The following RALYL variants were observed in gnomAD, a reference collection of about 807,000 sequenced individuals.
RALYL encodes the protein RALY RNA binding protein like.
A neutral mutation model predicts 35.1 loss-of-function variants in RALYL; 29 were observed. That is an observed-to-expected ratio of 0.83 (90% CI 0.61 to 1.13). The LOEUF is 1.13. RALYL is among the 50% of genes most tolerant of loss of function. RALYL has a pLI of 0.00. For missense variants in RALYL, 359 were observed against 360.4 expected (o/e 1.00, Z 0.03); for synonymous variants, 120 against 127.6 (o/e 0.94, Z 0.40).
intron 1 of RALYL, among the ~76,000 whole-genome samples, chr8:84,485,492 A>G (rs926253952): frequency 6.6e-6 from 1 of 152,144 alleles, no homozygotes; most frequent in African/African-American, 2.4e-5. Flanking sequence ...AGACAGTAGC[A>G]TCTCTTGAAC....
At chr8:84,568,487 G>A (rs1464360216) in intron 2 of RALYL, among the ~76,000 whole-genome samples, 1 of 149,762 alleles carries the variant, frequency 6.7e-6, no homozygotes, top group Non-Finnish European at 1.5e-5. Context: ...CTTTGCTATT[G>A]TGAATAATGC....
intron 1 of RALYL, among the ~76,000 whole-genome samples, chr8:84,223,086 T>G (rs992643640): frequency 1.1e-3 from 27 of 23,570 alleles, no homozygotes; most frequent in Middle Eastern, 0.015. Flanking sequence ...GCCCTGCCTT[T>G]CCTTTCCTTT....
intron 2 of RALYL, among the ~76,000 whole-genome samples, chr8:84,752,499 A>C (rs941126654): frequency 6.6e-6 from 1 of 152,186 alleles, no homozygotes; most frequent in South Asian, 2.1e-4. Flanking sequence ...ACTAAAAGGA[A>C]GGCAAGTGCT....
intron 5 of RALYL, among the ~76,000 whole-genome samples, chr8:84,857,109 C>T (rs572523543): frequency 3.1e-4 from 46 of 149,302 alleles, no homozygotes; most frequent in African/African-American, 1.0e-3. Flanking sequence ...AATGAATAGG[C>T]ACCTTACTTT....
At position 84,665,333 on chromosome 8, in the gene RALYL, T is replaced by A. The variant is rs183045412; in HGVS notation, c.257-109246T>A. Among the ~76,000 whole-genome samples the A allele has an allele frequency of 2.1e-4, 32 of 152,206 alleles. 1 individual carries two copies. In the South Asian group the frequency reaches 5.4e-3, roughly 26 times the overall value. Reference sequence around the variant, plus strand: ...TTTAATCAGGATGATTCTGGCCTCATAGAATGAGTTAGGGAAGAGTCCCTC... The same window carrying A: ...TTTAATCAGGATGATTCTGGCCTCAAAGAATGAGTTAGGGAAGAGTCCCTC... On this transcript the variant is annotated intron_variant, in intron 2 of 8. Transcript: ENST00000521268.
At chr8:84,594,156 T>A (rs1053534225) in intron 2 of RALYL, among the ~76,000 whole-genome samples, 11 of 152,064 alleles carry the variant, frequency 7.2e-5, no homozygotes, top group Admixed American at 2.0e-4. Context: ...CCCATCCCAC[T>A]TTAAGTATTA....
rs555413368 is a variant in RALYL, at chr8:84,611,206, C to T, written c.256+81629C>T. 1.6e-4 allele frequency among the ~76,000 whole-genome samples: 25 copies of T among 152,170 alleles called. 1 individual carries two copies. The South Asian group carries it at 5.0e-3, about 30-fold the overall frequency. On this transcript the variant is annotated intron_variant, in intron 2 of 8. Transcript: ENST00000521268. ...GTGCATTTTGGAAATTTTTTATTCA[C>T]ATAACTTTTTCCAGTTTTTTGTGAT...
chr8:84,392,051 GC>G lies in RALYL; in HGVS notation c.-23-137247del, dbSNP rs974436602. On this transcript the variant is annotated intron_variant, in intron 1 of 8. Coordinates refer to ENST00000521268, the MANE Select transcript of RALYL (RefSeq NM_173848.7). ...TGAGTGAGAGTTGAACATTTAATCA[GC>G]AAGAACGCACTTAAAAGTGCCAAGT... Among the ~76,000 whole-genome samples, 47 of 152,030 alleles carry G rather than the reference GC, an allele frequency of 3.1e-4. 1 individual carries two copies. Among genetic ancestry groups the G allele is most frequent in the African/African-American group, 1.1e-3 (47 of 41,414 alleles).
chr8:84,754,331 T>C (rs1810846285), intron 2 of RALYL, among the ~76,000 whole-genome samples: 2 of 152,122 alleles, frequency 1.3e-5, no homozygotes, highest in Non-Finnish European at 2.9e-5. Flanking sequence ...CCAATTACAA[T>C]TTTCCTTCAT....
In RALYL at chr8:84,221,228, G is replaced by A. The variant is rs78536480; in HGVS notation, c.-24+36804G>A. On this transcript the variant is annotated intron_variant, in intron 1 of 8. Transcript: ENST00000521268. ...TAATTAATTCCAGTGGGAGATTTTG[G>A]TATCATCATAAACAACATTTTAAAA... 1.4e-3 allele frequency among the ~76,000 whole-genome samples: 211 copies of A among 151,906 alleles called. 3 individuals carry two copies. The East Asian group carries it at 0.034, about 24-fold the overall frequency.
At chr8:84,339,726 C>A (rs1586427374) in intron 1 of RALYL, among the ~76,000 whole-genome samples, 1 of 151,882 alleles carries the variant, frequency 6.6e-6, no homozygotes, top group Non-Finnish European at 1.5e-5. Flanking sequence ...GAAAACATTT[C>A]CCCCGTAAGC....
At chr8:84,733,451 T>C (rs1173365914) in intron 2 of RALYL, among the ~76,000 whole-genome samples, 2 of 152,130 alleles carry the variant, frequency 1.3e-5, no homozygotes, top group East Asian at 1.9e-4. Context: ...TCAAGGAGAG[T>C]TGGTCACCAC....
chr8:84,870,152 G>A (rs1839933669), intron 6 of RALYL, among the ~76,000 whole-genome samples: 1 of 151,680 alleles, frequency 6.6e-6, no homozygotes. Context: ...GCTGATTTTT[G>A]TTTGGTAATT....
At chr8:84,507,386 G>A (rs1380708472) in intron 1 of RALYL, among the ~76,000 whole-genome samples, 1 of 151,984 alleles carries the variant, frequency 6.6e-6, no homozygotes, top group Non-Finnish European at 1.5e-5. Context: ...GTATAATTAT[G>A]AATTCAGTAG....
intron 1 of RALYL, among the ~76,000 whole-genome samples, chr8:84,342,034 A>T (rs1848881314): frequency 6.6e-6 from 1 of 151,664 alleles, no homozygotes; most frequent in Admixed American, 6.6e-5. Context: ...GCATTATGAT[A>T]AAATAGGCAA....
At chr8:84,820,587 C>A (rs113017469) in intron 4 of RALYL, among the ~76,000 whole-genome samples, 234 of 152,058 alleles carry the variant, frequency 1.5e-3, no homozygotes, top group African/African-American at 5.5e-3. Context: ...GCTGAACATG[C>A]AGGTGTGTTG....
rs1225793792 is a variant in RALYL, at chr8:84,202,295, G to A, written c.-24+17871G>A. Among the ~76,000 whole-genome samples the A allele has an allele frequency of 4.0e-5, 6 of 151,070 alleles. No individual in the cohort carries two copies. The South Asian group carries it at 6.3e-4, about 16-fold the overall frequency. On this transcript the variant is annotated intron_variant, in intron 1 of 8. Coordinates refer to ENST00000521268, the MANE Select transcript of RALYL (RefSeq NM_173848.7). Reference sequence around the variant, plus strand: ...CCTAACACTGGTAGAGAAACTGGCTGGGTTAGATTTACTTAAAGATGATAT... The same window carrying A: ...CCTAACACTGGTAGAGAAACTGGCTAGGTTAGATTTACTTAAAGATGATAT...
At chr8:84,269,641 G>C (rs1035039363) in intron 1 of RALYL, among the ~76,000 whole-genome samples, 7 of 152,178 alleles carry the variant, frequency 4.6e-5, no homozygotes, top group African/African-American at 1.4e-4. Context: ...TATCAAAGTG[G>C]CTTCAGTAAT....
At chr8:84,573,634 T>C (rs1331631564) in intron 2 of RALYL, among the ~76,000 whole-genome samples, 1 of 151,814 alleles carries the variant, frequency 6.6e-6, no homozygotes, top group Non-Finnish European at 1.5e-5. Context: ...TTTTCTCTCT[T>C]TTTGAACTCC....
Sources: allele counts gnomAD v4.1 joint callset (sites outside exome capture counted in the v4.1 genomes callset), GRCh38; gene constraint gnomAD v4.1.1; transcripts MANE v1.5; gene names NCBI Gene and HGNC (gene_info 2026-07-23, HGNC 2026-07-21).